Variants in SLC39A9 observed in about 807,000 individuals in gnomAD.
SLC39A9 encodes the protein solute carrier family 39 member 9, also known as zinc transporter ZIP9.
Under a neutral mutation model 28.4 loss-of-function variants are expected in SLC39A9, and 14 were observed. The ratio of observed to expected loss-of-function variants is 0.49; its 90% CI spans 0.33 to 0.77. The LOEUF is 0.77. Among genes scored for constraint, SLC39A9 ranks in the 30% least tolerant of loss-of-function variants. The pLI is 0.02. For missense variants in SLC39A9, 283 were observed against 381.1 expected (o/e 0.74, Z 2.14); for synonymous variants, 119 against 149.6 (o/e 0.80, Z 1.49).
At chr14:69,402,238 T>G (rs1370525793) in intron 1 of SLC39A9, among the ~76,000 whole-genome samples, 1 of 148,606 alleles carries the variant, frequency 6.7e-6, no homozygotes, top group Non-Finnish European at 1.5e-5. Flanking sequence ...AAAAAAAAAA[T>G]GCAAAAAAAA....
At chr14:69,443,905 G>A (rs1171066080) in intron 3 of SLC39A9, among the ~76,000 whole-genome samples, 1 of 151,790 alleles carries the variant, frequency 6.6e-6, no homozygotes, top group Non-Finnish European at 1.5e-5. Flanking sequence ...AGGAAATGTG[G>A]CCAAGCGTGG....
chr14:69,449,613 A>G (rs1047110740), intron 3 of SLC39A9, among the ~76,000 whole-genome samples: 6 of 152,162 alleles, frequency 3.9e-5, no homozygotes, highest in South Asian at 2.1e-4. Flanking sequence ...TGACAGAGGA[A>G]GACCCTGTGT....
At chr14:69,436,919 T>C (rs967305238) in intron 2 of SLC39A9, among the ~76,000 whole-genome samples, 3 of 152,190 alleles carry the variant, frequency 2.0e-5, no homozygotes, top group Non-Finnish European at 4.4e-5. Context: ...GTTTCCCCCA[T>C]ACACTTCAGA....
At chr14:69,455,266 T>G (rs1346157809) in intron 5 of SLC39A9, among the ~76,000 whole-genome samples, 1 of 152,204 alleles carries the variant, frequency 6.6e-6, no homozygotes, top group East Asian at 1.9e-4. Flanking sequence ...CTAAGAGGCA[T>G]AGCTCAGCGT....
chr14:69,405,950 G>C (rs1882889877), intron 1 of SLC39A9, among the ~76,000 whole-genome samples: 1 of 152,182 alleles, frequency 6.6e-6, no homozygotes, highest in East Asian at 1.9e-4. Flanking sequence ...CTTTACAAAT[G>C]AGCAAACTCA....
In SLC39A9 at chr14:69,441,787, G is replaced by A. The variant is rs904765283; in HGVS notation, c.206-282G>A. 2.6e-5 allele frequency: 29 copies of A among 1,124,586 alleles called. No homozygotes were observed. The South Asian group carries it at 7.9e-4, about 31-fold the overall frequency. The allele number at this position is 1,124,586 out of a possible 1,614,324, so 69.7% of individuals were successfully genotyped here. The stretch of plus-strand genomic sequence containing the variant: ...ATATTTGGGGATGGTGTCCCTTTGG[G>A]AATATGATTGCTTTCTTGCATGGTG... On this transcript the variant is annotated intron_variant, in intron 2 of 6. Coordinates refer to ENST00000336643, the MANE Select transcript of SLC39A9 (RefSeq NM_018375.5).
intron 1 of SLC39A9, among the ~76,000 whole-genome samples, chr14:69,405,093 A>G (rs1320460710): frequency 6.6e-6 from 1 of 152,180 alleles, no homozygotes; most frequent in Non-Finnish European, 1.5e-5. Flanking sequence ...ACTCACTGTC[A>G]CAAGAACAGC....
At position 69,459,556 on chromosome 14, in the gene SLC39A9, G is replaced by GT. The variant is rs61361699; in HGVS notation, c.*977dup. 0.049 allele frequency: 39,634 copies of GT among 807,746 alleles called. 2 individuals carry two copies. The highest frequency in any genetic ancestry group is 0.056 in the South Asian group (986 of 17,628). 50.0% of individuals were successfully genotyped at this position (807,746 alleles called of 1,614,324 possible). A position where few individuals can be genotyped will look rare whatever the true frequency, so the allele number is the denominator to read the frequency against. ...AAATGTATGGTTGTCCTTTTTTTTT[G>GT]TTTTTTTTTTTTTTAATTATTTCTC... On this transcript the variant is annotated 3_prime_UTR_variant, in exon 7 of 7. Coordinates refer to ENST00000336643, the MANE Select transcript of SLC39A9 (RefSeq NM_018375.5).
At chr14:69,411,343 T>C (rs1883253577) in intron 1 of SLC39A9, among the ~76,000 whole-genome samples, 1 of 152,164 alleles carries the variant, frequency 6.6e-6, no homozygotes, top group African/African-American at 2.4e-5. Flanking sequence ...AATATTAAAC[T>C]GACTTCAAAG....
chr14:69,433,901 C>T (rs1019517622), intron 2 of SLC39A9, among the ~76,000 whole-genome samples: 4 of 152,008 alleles, frequency 2.6e-5, no homozygotes, highest in Non-Finnish European at 4.4e-5. Flanking sequence ...TCCAATGCCT[C>T]AGCCTCCCAA....
At chr14:69,446,014 C>T (rs1175863604) in intron 3 of SLC39A9, among the ~76,000 whole-genome samples, 1 of 146,614 alleles carries the variant, frequency 6.8e-6, no homozygotes, top group Non-Finnish European at 1.5e-5. Flanking sequence ...TAAACAAATA[C>T]TGAACTCGTT....
chr14:69,450,443 A>G (rs971614135), intron 3 of SLC39A9, among the ~76,000 whole-genome samples: 2 of 152,154 alleles, frequency 1.3e-5, no homozygotes, highest in African/African-American at 2.4e-5. Flanking sequence ...CATTTAACGA[A>G]TGATTTTTTA....
At position 69,461,898 on chromosome 14, in the gene SLC39A9, C is replaced by T; in HGVS notation, c.*3305C>T. 1.4e-6 allele frequency: 1 copy of T among 691,002 alleles called. No homozygotes were observed. The highest frequency in any genetic ancestry group is 2.3e-6 in the Non-Finnish European group (1 of 438,426). The allele number at this position is 691,002 out of a possible 1,614,324, so 42.8% of individuals were successfully genotyped here. On this transcript the variant is annotated 3_prime_UTR_variant, in exon 7 of 7. Transcript: ENST00000336643. ...AACTGCTGCAGTGTTAAGTGAAAAT[C>T]CTCTGTAGTTGTTCTGCAGAGGAAC...
At chr14:69,406,195 A>G (rs1301608243) in intron 1 of SLC39A9, among the ~76,000 whole-genome samples, 3 of 152,250 alleles carry the variant, frequency 2.0e-5, no homozygotes, top group Non-Finnish European at 4.4e-5. Context: ...AGTGGAGTAG[A>G]ACTTGAAACT....
At position 69,461,230 on chromosome 14, in the gene SLC39A9, C is replaced by A; in HGVS notation, c.*2637C>A. The stretch of plus-strand genomic sequence containing the variant: ...GTTAATCTTAATTGCAATTTGACTC[C>A]GTTTCCTTGGTAGGGATAGACTTTC... On this transcript the variant is annotated 3_prime_UTR_variant, in exon 7 of 7. Transcript: ENST00000336643. 1.0e-6 allele frequency: 1 copy of A among 987,308 alleles called. No homozygotes were observed. The highest frequency in any genetic ancestry group is 1.2e-6 in the Non-Finnish European group (1 of 831,270). The allele number at this position is 987,308 out of a possible 1,614,324, so 61.2% of individuals were successfully genotyped here.
chr14:69,440,330 C>A (rs955573056), intron 2 of SLC39A9, among the ~76,000 whole-genome samples: 3 of 151,882 alleles, frequency 2.0e-5, no homozygotes, highest in African/African-American at 7.3e-5. Flanking sequence ...AAGCCTGTAA[C>A]CCCAGCACTT....
At chr14:69,456,507 A>C (rs1352969174) in intron 6 of SLC39A9, among the ~76,000 whole-genome samples, 4 of 152,154 alleles carry the variant, frequency 2.6e-5, no homozygotes, top group African/African-American at 9.7e-5. Flanking sequence ...TCACGTCCCC[A>C]GATAGTAACT....
chr14:69,444,367 A>C (rs766901319), intron 3 of SLC39A9, among the ~76,000 whole-genome samples: 1 of 152,240 alleles, frequency 6.6e-6, no homozygotes, highest in African/African-American at 2.4e-5. Flanking sequence ...GACAAAAGAC[A>C]TGAACAGATA....
intron 2 of SLC39A9, among the ~76,000 whole-genome samples, chr14:69,424,767 G>C (rs1884098404): frequency 6.6e-6 from 1 of 152,078 alleles, no homozygotes; most frequent in African/African-American, 2.4e-5. Flanking sequence ...AAGCATACTT[G>C]ATTCACATTT....
Sources: gnomAD v4.1 joint callset for allele counts (sites outside exome capture counted in the v4.1 genomes callset) on GRCh38, gnomAD v4.1.1 for gene constraint, MANE v1.5 for transcripts, NCBI Gene and HGNC (gene_info 2026-07-23, HGNC 2026-07-21) for gene names.